The following ALDH1L1 variants were observed in gnomAD, a reference collection of about 807,000 sequenced individuals.
The protein encoded by ALDH1L1 is cytosolic 10-formyltetrahydrofolate dehydrogenase.
ALDH1L1 carries 68 observed loss-of-function variants against 101.1 expected under a neutral mutation model. That is an observed-to-expected ratio of 0.67 (90% confidence interval 0.55 to 0.82). The LOEUF (loss-of-function observed/expected upper bound fraction) is 0.82, where lower values mean the gene tolerates loss of function less well. Among genes scored for constraint, ALDH1L1 ranks in the 40% least tolerant of loss-of-function variants. The probability of loss-of-function intolerance (pLI) is 0.00; values close to 1 mark genes in which losing one functional copy is unlikely to be tolerated. For missense variants in ALDH1L1, 1,087 were observed against 1,172.7 expected (o/e 0.93, Z 1.07); for synonymous variants, 486 against 470.8 (o/e 1.03, Z -0.42).
rs1576471116 is a variant in ALDH1L1, at chr3:126,157,645, A to G, written c.363-137T>C. 15 of 935,008 alleles carry G rather than the reference A, an allele frequency of 1.6e-5. No homozygotes were observed. The East Asian group carries it at 3.7e-4, about 23-fold the overall frequency. The allele number at this position is 935,008 out of a possible 1,614,324, so 57.9% of individuals were successfully genotyped here. ...TAGGACTGACACCGGCTCCGGCGGG[A>G]AACGGAAGAAGGAAAACAGCATGTA... On this transcript the variant is annotated intron_variant, in intron 3 of 22. Transcript: ENST00000393434.
At chr3:126,109,878 G>A in intron 20 of ALDH1L1, 66 bp downstream of exon 20, 1 of 1,587,980 alleles carries the variant, frequency 6.3e-7, no homozygotes, top group East Asian at 2.2e-5. Context: ...AGCTGGACAG[G>A]GAACCAGAGG....
chr3:126,124,586 G>T, intron 15 of ALDH1L1, 135 bp from the exon 16 acceptor site: 1 of 744,762 alleles, frequency 1.3e-6, no homozygotes, highest in Non-Finnish European at 2.3e-6. Context: ...GCACCAGGAA[G>T]ACCCCAGGAA....
intron 8 of ALDH1L1, 31 bp from the exon 9 acceptor site, chr3:126,146,957 C>T: frequency 1.2e-6 from 2 of 1,603,760 alleles, no homozygotes; most frequent in Non-Finnish European, 8.5e-7. Flanking sequence ...AGAGGCTGGC[C>T]CCAGGGGAGC....
chr3:126,195,476 G>A (rs576186254), intron 1 of ALDH1L1, among the ~76,000 whole-genome samples: 8 of 152,302 alleles, frequency 5.3e-5, no homozygotes, highest in African/African-American at 1.7e-4. Context: ...GAGCTGGAGA[G>A]GATGTGGAGA....
intron 14 of ALDH1L1, 46 bp from the exon 15 acceptor site, chr3:126,125,767 C>T: frequency 1.5e-6 from 2 of 1,364,198 alleles, no homozygotes; most frequent in Non-Finnish European, 9.8e-7. Flanking sequence ...CTCCACCAGG[C>T]CCACAGTGGA....
chr3:126,112,426 G>A (rs907281727), intron 19 of ALDH1L1, among the ~76,000 whole-genome samples: 8 of 152,138 alleles, frequency 5.3e-5, no homozygotes, highest in African/African-American at 1.9e-4. Context: ...GCTCCATTCT[G>A]TCCAGTCCTC....
chr3:126,167,820 C>T (rs747863145), intron 1 of ALDH1L1, among the ~76,000 whole-genome samples: 3 of 152,064 alleles, frequency 2.0e-5, no homozygotes, highest in Non-Finnish European at 4.4e-5. Context: ...ACTCACCTTG[C>T]GATTTTACCC....
At position 126,144,567 on chromosome 3, in the gene ALDH1L1, T is replaced by C. The variant is rs180765881; in HGVS notation, c.1076+2268A>G. On this transcript the variant is annotated intron_variant, in intron 9 of 22. Transcript: ENST00000393434. ...AACCTAAACATATATGGCCAACTAA[T>C]CTTCAACAAGGGTGCCAAGAATACA... 2.0e-5 allele frequency among the ~76,000 whole-genome samples: 3 copies of C among 152,278 alleles called. 1 individual carries two copies. The highest frequency in any genetic ancestry group is 3.9e-4 in the East Asian group (2 of 5,184).
intron 20 of ALDH1L1, among the ~76,000 whole-genome samples, 174 bp from the exon 21 acceptor site, chr3:126,107,420 GC>G (rs1352908161): frequency 6.6e-6 from 1 of 152,190 alleles, no homozygotes; most frequent in Non-Finnish European, 1.5e-5. Flanking sequence ...CTCCCACCTG[GC>G]TTGTTCTTTG....
intron 1 of ALDH1L1, among the ~76,000 whole-genome samples, chr3:126,172,325 GA>G (rs994765183): frequency 6.6e-6 from 1 of 152,056 alleles, no homozygotes; most frequent in African/African-American, 2.4e-5. Flanking sequence ...AGCTCTAATG[GA>G]AAAATGTGGA....
At chr3:126,112,963 T>A in intron 18 of ALDH1L1, 83 bp from the exon 19 acceptor site, 1 of 1,285,872 alleles carries the variant, frequency 7.8e-7, no homozygotes, top group Non-Finnish European at 1.1e-6. Flanking sequence ...AGCCGCCTCT[T>A]CTAATTAGGA....
At chr3:126,149,167 C>T (rs1044592675) in intron 8 of ALDH1L1, among the ~76,000 whole-genome samples, 2 of 152,232 alleles carry the variant, frequency 1.3e-5, no homozygotes, top group African/African-American at 4.8e-5. Context: ...TTTCTGAGAA[C>T]TTTTGTCCAC....
At chr3:126,189,365 T>G (rs1158181939) in intron 1 of ALDH1L1, among the ~76,000 whole-genome samples, 3 of 152,200 alleles carry the variant, frequency 2.0e-5, no homozygotes, top group Non-Finnish European at 2.9e-5. Context: ...TTGGGAAAAC[T>G]GTTCATATCT....
rs1945753135 is a variant in ALDH1L1, at chr3:126,103,599, G to C, written c.*192C>G. Reference sequence around the variant, plus strand: ...TCTTCAGAAGCTTTATTCTCCCTGGGAGGGGCACACCTCACCCAGCCAAGG... The same window carrying C: ...TCTTCAGAAGCTTTATTCTCCCTGGCAGGGGCACACCTCACCCAGCCAAGG... On this transcript the variant is annotated 3_prime_UTR_variant, in exon 23 of 23. Coordinates refer to ENST00000393434, the MANE Select transcript of ALDH1L1 (RefSeq NM_012190.4). 3.3e-6 allele frequency: 2 copies of C among 612,054 alleles called. No homozygotes were observed. The highest frequency in any genetic ancestry group is 5.8e-6 in the Non-Finnish European group (2 of 345,818). The allele number at this position is 612,054 out of a possible 1,614,324, so 37.9% of individuals were successfully genotyped here. A position where few individuals can be genotyped will look rare whatever the true frequency, so the allele number is the denominator to read the frequency against.
At chr3:126,118,188 G>A (rs2080013519) in intron 16 of ALDH1L1, 90 bp from the exon 17 acceptor site, 1 of 1,039,766 alleles carries the variant, frequency 9.6e-7, no homozygotes, top group Non-Finnish European at 1.5e-6. Flanking sequence ...GGTTCACTGG[G>A]GGTCTGAGGC....
chr3:126,149,493 G>A (rs1423958784), intron 8 of ALDH1L1, among the ~76,000 whole-genome samples: 8 of 152,244 alleles, frequency 5.3e-5, no homozygotes, highest in Non-Finnish European at 1.2e-4. Flanking sequence ...ACCAGGGCAG[G>A]CCAAGTCAGG....
At position 126,146,746 on chromosome 3, in the gene ALDH1L1, A is replaced by G; in HGVS notation, c.1076+89T>C. ...GGCCCACATGATCCATGAGTGTAAC[A>G]AATGGTTGTTTCCTGCTGCTCAGTT... On this transcript the variant is annotated intron_variant, in intron 9 of 22. Coordinates refer to ENST00000393434, the MANE Select transcript of ALDH1L1 (RefSeq NM_012190.4). 7 of 1,414,172 alleles carry G rather than the reference A, an allele frequency of 4.9e-6. No individual in the cohort carries two copies. In the South Asian group the frequency reaches 7.8e-5, roughly 16 times the overall value. The allele number at this position is 1,414,172 out of a possible 1,614,324, so 87.6% of individuals were successfully genotyped here.
chr3:126,121,234 C>T (rs1310823050), intron 16 of ALDH1L1, among the ~76,000 whole-genome samples: 1 of 152,196 alleles, frequency 6.6e-6, no homozygotes, highest in Non-Finnish European at 1.5e-5. Context: ...CTGCTAACAC[C>T]TTCCATCCAG....
At chr3:126,153,727 C>T (rs2080853010) in intron 6 of ALDH1L1, 146 bp from the exon 7 acceptor site, 15 of 1,062,790 alleles carry the variant, frequency 1.4e-5, no homozygotes, top group Non-Finnish European at 1.8e-5. Context: ...CATGTGACCC[C>T]TGAGGCCCTT....
Sources: allele counts gnomAD v4.1 joint callset (sites outside exome capture counted in the v4.1 genomes callset), GRCh38; gene constraint gnomAD v4.1.1; transcripts MANE v1.5; gene names NCBI Gene and HGNC (gene_info 2026-07-23, HGNC 2026-07-21).